KIF26B: variants seen among roughly 807,000 people sequenced by gnomAD.
The protein encoded by KIF26B is kinesin-like protein KIF26B.
KIF26B carries 63 observed loss-of-function variants against 151.2 expected under a neutral mutation model. The ratio of observed to expected loss-of-function variants is 0.42; its 90% CI spans 0.34 to 0.51. The LOEUF (loss-of-function observed/expected upper bound fraction) is 0.51, where lower values mean the gene tolerates loss of function less well. Ranked by LOEUF, KIF26B falls within the 20% of genes least tolerant of loss-of-function variation. The probability of loss-of-function intolerance (pLI) is 0.07; values close to 1 mark genes in which losing one functional copy is unlikely to be tolerated. For missense variants in KIF26B, 2,813 were observed against 2,913.6 expected (o/e 0.97, Z 0.79); for synonymous variants, 1,357 against 1,262.1 (o/e 1.08, Z -1.59).
At chr1:245,444,620 G>GC (rs1659206471) in intron 4 of KIF26B, among the ~76,000 whole-genome samples, 1 of 152,210 alleles carries the variant, frequency 6.6e-6, no homozygotes, top group South Asian at 2.1e-4. Context: ...TGATTGATGA[G>GC]CCACCTTCAA....
chr1:245,172,063 A>G (rs1441575973), intron 2 of KIF26B, among the ~76,000 whole-genome samples: 2 of 115,008 alleles, frequency 1.7e-5, no homozygotes, highest in African/African-American at 5.9e-5. Context: ...TTCATTTTTC[A>G]TTTCCTTATC....
chr1:245,366,995 C>T lies in KIF26B; in HGVS notation c.627C>T (p.Ala209=), dbSNP rs776313030. Residue 209 remains alanine, a synonymous_variant, in exon 3 of 15, where the codon GCC becomes GCT. Coordinates refer to ENST00000407071, the MANE Select transcript of KIF26B (RefSeq NM_018012.4). The stretch of plus-strand genomic sequence containing the variant: ...TGGTGCTGACGTTGGAGCAGGCAGC[C>T]GGCAGTGAGCACTACGACGCCTCGC... ...IQMVLTLEQA[A]GSEHYDASPC... 109 of 1,613,820 alleles carry T rather than the reference C, an allele frequency of 6.8e-5. No individual in the cohort carries two copies. The highest frequency in any genetic ancestry group is 1.6e-4 in the Middle Eastern group (1 of 6,062).
At chr1:245,406,248 C>G (rs186154200) in intron 3 of KIF26B, among the ~76,000 whole-genome samples, 42 of 152,300 alleles carry the variant, frequency 2.8e-4, no homozygotes, top group African/African-American at 9.9e-4. Flanking sequence ...TTGCTCCCAC[C>G]AAGCCAGGCC....
chr1:245,228,146 C>T (rs891226470), intron 2 of KIF26B, among the ~76,000 whole-genome samples: 2 of 152,202 alleles, frequency 1.3e-5, no homozygotes, highest in Non-Finnish European at 2.9e-5. Flanking sequence ...ATTGGGACAT[C>T]GGAAGCCTTC....
At chr1:245,700,182 A>G (rs901516650) in intron 14 of KIF26B, among the ~76,000 whole-genome samples, 54 of 152,144 alleles carry the variant, frequency 3.5e-4, no homozygotes, top group African/African-American at 1.3e-3. Context: ...GCTTTCTCAC[A>G]TACTAGCTGT....
intron 5 of KIF26B, among the ~76,000 whole-genome samples, chr1:245,589,551 C>A (rs1310341772): frequency 2.0e-5 from 3 of 152,178 alleles, no homozygotes; most frequent in Admixed American, 6.5e-5. Flanking sequence ...GGAGCCAGCA[C>A]AGACCGTTTT....
intron 3 of KIF26B, among the ~76,000 whole-genome samples, chr1:245,408,711 A>T (rs1162420875): frequency 1.3e-5 from 2 of 152,196 alleles, no homozygotes; most frequent in Middle Eastern, 3.4e-3. Context: ...TTTTCTGAAG[A>T]GGGTGGCTCT....
chr1:245,196,279 G>A (rs1669192822), intron 2 of KIF26B, among the ~76,000 whole-genome samples: 1 of 152,152 alleles, frequency 6.6e-6, no homozygotes, highest in Non-Finnish European at 1.5e-5. Context: ...TGATTAGGAT[G>A]ACAGCCCCTG....
chr1:245,476,865 G>C (rs1660052991), intron 4 of KIF26B, among the ~76,000 whole-genome samples: 1 of 151,738 alleles, frequency 6.6e-6, no homozygotes, highest in South Asian at 2.1e-4. Context: ...TAAATAAACA[G>C]CCAGGGTGTA....
At chr1:245,431,978 C>G (rs1348740403) in intron 4 of KIF26B, among the ~76,000 whole-genome samples, 2 of 152,058 alleles carry the variant, frequency 1.3e-5, no homozygotes, top group Non-Finnish European at 2.9e-5. Context: ...TCTAAAAGTG[C>G]CAAGGCCATT....
chr1:245,328,039 G>C (rs2102989936), intron 2 of KIF26B, among the ~76,000 whole-genome samples: 1 of 152,220 alleles, frequency 6.6e-6, no homozygotes, highest in South Asian at 2.1e-4. Context: ...TGGCAGAGAG[G>C]GGACTATCTG....
At chr1:245,363,415 C>T (rs1351333931) in intron 2 of KIF26B, among the ~76,000 whole-genome samples, 4 of 151,942 alleles carry the variant, frequency 2.6e-5, no homozygotes, top group Non-Finnish European at 5.9e-5. Flanking sequence ...AGGCTGGTCT[C>T]GGACTCCTGA....
chr1:245,198,938 G>A (rs1669239524), intron 2 of KIF26B, among the ~76,000 whole-genome samples: 1 of 150,544 alleles, frequency 6.6e-6, no homozygotes, highest in African/African-American at 2.4e-5. Flanking sequence ...AAGCCCCTGC[G>A]GCAGCGTCGG....
At chr1:245,511,942 C>T (rs925104471) in intron 4 of KIF26B, among the ~76,000 whole-genome samples, 1 of 152,178 alleles carries the variant, frequency 6.6e-6, no homozygotes, top group African/African-American at 2.4e-5. Context: ...TCTGCCTTTT[C>T]TTCAAAATCT....
At chr1:245,232,730 A>G (rs550411396) in intron 2 of KIF26B, among the ~76,000 whole-genome samples, 1 of 152,072 alleles carries the variant, frequency 6.6e-6, no homozygotes, top group Non-Finnish European at 1.5e-5. Context: ...TTGTATTTTT[A>G]GTAGAGACGG....
chr1:245,371,713 A>G (rs1277289091), intron 3 of KIF26B: 1 of 152,210 alleles, frequency 6.6e-6, no homozygotes, highest in Admixed American at 6.5e-5. Flanking sequence ...AGGTTGCAGT[A>G]GGAAGATTCT....
intron 9 of KIF26B, among the ~76,000 whole-genome samples, chr1:245,638,911 C>T (rs1196289203): frequency 2.6e-5 from 4 of 151,624 alleles, no homozygotes; most frequent in Non-Finnish European, 5.9e-5. Context: ...GGATTTTTCC[C>T]TCTTTTTATC....
In KIF26B at chr1:245,688,343, TCAG is replaced by T; in HGVS notation, c.5364_5366del (p.Ser1788del). 8.8e-6 allele frequency: 14 copies of T among 1,584,804 alleles called. No homozygotes were observed. Among genetic ancestry groups the T allele is most frequent in the Non-Finnish European group, 1.2e-5 (14 of 1,173,758 alleles). On this transcript the variant is annotated inframe_deletion, in exon 12 of 15. Coordinates refer to ENST00000407071, the MANE Select transcript of KIF26B (RefSeq NM_018012.4). ...CACACGCCCTGGTCCACGCAGTCCC[TCAG>T]CAGGAACAGGAGCTCGGGCCTGGCC...
chr1:245,419,443 C>A, intron 3 of KIF26B, 136 bp from the exon 4 acceptor site: 1 of 640,558 alleles, frequency 1.6e-6, no homozygotes, highest in Non-Finnish European at 2.6e-6. Context: ...CCCTAAGCAT[C>A]CACGTGTAAC....
Sources: gnomAD v4.1 joint callset for allele counts (sites outside exome capture counted in the v4.1 genomes callset) on GRCh38, gnomAD v4.1.1 for gene constraint, MANE v1.5 for transcripts, NCBI Gene and HGNC (gene_info 2026-07-23, HGNC 2026-07-21) for gene names.